WFDC8: variants seen among roughly 807,000 people sequenced by gnomAD.
The protein encoded by WFDC8 is WAP four-disulfide core domain protein 8.
WFDC8 carries 24 observed loss-of-function variants against 27.0 expected under a neutral mutation model. The observed-to-expected ratio is 0.89, with a 90% CI of 0.64 to 1.25. The LOEUF (loss-of-function observed/expected upper bound fraction) is 1.25, where lower values mean the gene tolerates loss of function less well. Ranked by LOEUF, WFDC8 falls within the 50% of genes most tolerant of loss-of-function variation. WFDC8 has a pLI of 0.00. For synonymous variants in WFDC8, 106 were observed against 99.7 expected, an observed-to-expected ratio of 1.06 and a Z score of -0.38; for missense variants, 287 against 295.9, an observed-to-expected ratio of 0.97 and a Z score of 0.22.
In WFDC8 at chr20:45,568,248, G is replaced by T. The variant is rs555024020; in HGVS notation, c.27-6029C>A. 1.2e-3 allele frequency: 284 copies of T among 239,800 alleles called. 1 individual carries two copies. Among genetic ancestry groups the T allele is most frequent in the Non-Finnish European group, 1.8e-3 (208 of 116,396 alleles). The allele number at this position is 239,800 out of a possible 1,614,324, so 14.9% of individuals were successfully genotyped here. ...TCATGGATGGCTCAAGGGTATCTTTGTGGTGTGGAATAGTGATGTTTCATA... is the reference window on the plus strand; with the variant it reads ...TCATGGATGGCTCAAGGGTATCTTTTTGGTGTGGAATAGTGATGTTTCATA... On this transcript the variant is annotated intron_variant, in intron 1 of 5. Coordinates refer to ENST00000289953, the MANE Select transcript of WFDC8 (RefSeq NM_130896.3).
chr20:45,574,640 C>CA (rs1288678126), intron 1 of WFDC8, among the ~76,000 whole-genome samples: 2 of 151,806 alleles, frequency 1.3e-5, no homozygotes, highest in Admixed American at 6.6e-5. Context: ...ACTAAAAATA[C>CA]AAAAAAAATT....
At chr20:45,554,763 T>C (rs1016762100) in intron 4 of WFDC8, among the ~76,000 whole-genome samples, 4 of 152,306 alleles carry the variant, frequency 2.6e-5, no homozygotes, top group Non-Finnish European at 5.9e-5. Flanking sequence ...AGGGTTGCCT[T>C]GGCCGTTCAG....
chr20:45,572,877 G>C (rs1980917674), intron 1 of WFDC8, among the ~76,000 whole-genome samples: 4 of 152,242 alleles, frequency 2.6e-5, no homozygotes, highest in African/African-American at 4.8e-5. Context: ...AAAGTGTTGG[G>C]ATTACAGGCG....
chr20:45,562,960 C>T (rs1361656471), intron 1 of WFDC8, among the ~76,000 whole-genome samples: 3 of 152,116 alleles, frequency 2.0e-5, no homozygotes, highest in Admixed American at 2.0e-4. Flanking sequence ...AAAGAGGAAG[C>T]AAGAGACAGA....
intron 1 of WFDC8, among the ~76,000 whole-genome samples, chr20:45,567,837 C>T (rs921794139): frequency 6.6e-6 from 1 of 152,238 alleles, no homozygotes; most frequent in Admixed American, 6.5e-5. Flanking sequence ...TACCTTTTTT[C>T]TTGTTAGAGA....
At chr20:45,567,713 C>T (rs959517879) in intron 1 of WFDC8, among the ~76,000 whole-genome samples, 1 of 152,204 alleles carries the variant, frequency 6.6e-6, no homozygotes, top group Non-Finnish European at 1.5e-5. Context: ...AAGGCAATTT[C>T]AAAAACGTAA....
rs200477334 is a variant in WFDC8, at chr20:45,555,813, C to A, written c.333G>T (p.Trp111Cys). 208 of 1,613,976 alleles carry A rather than the reference C, an allele frequency of 1.3e-4. No homozygotes were observed. The highest frequency in any genetic ancestry group is 5.2e-4 in the Admixed American group (31 of 60,002). ...HGNCNHEAQR[W>C]HFDFKNYRCT... The stretch of plus-strand genomic sequence containing the variant: ...AGCGGTAATTTTTAAAGTCAAAATG[C>A]CAGCGCTGTGCCTCATGATTACAGT... The change falls in exon 4 of 6, where the codon TGG becomes TGT. Residue 111 changes from tryptophan to cysteine, a missense_variant. By Grantham distance (215) the Trp-to-Cys change is radical. Transcript: ENST00000289953.
At chr20:45,555,349 A>G (rs1020137373) in intron 4 of WFDC8, among the ~76,000 whole-genome samples, 1 of 152,124 alleles carries the variant, frequency 6.6e-6, no homozygotes, top group African/African-American at 2.4e-5. Context: ...TTCTTAAGCA[A>G]ATCCTCAGTA....
rs567278564 is a variant in WFDC8, at chr20:45,569,029, A to G, written c.27-6810T>C. 7.5e-4 allele frequency among the ~76,000 whole-genome samples: 115 copies of G among 152,328 alleles called. 1 individual carries two copies. The highest frequency in any genetic ancestry group is 2.6e-3 in the African/African-American group (109 of 41,580). ...CTACAGGATCTATCAGCTACTTAGC[A>G]TCATCTCTTTATAGTCACATCAGCC... On this transcript the variant is annotated intron_variant, in intron 1 of 5. Coordinates refer to ENST00000289953, the MANE Select transcript of WFDC8 (RefSeq NM_130896.3).
In WFDC8 at chr20:45,555,724, C is replaced by A. The variant is rs1319321481; in HGVS notation, c.422G>T (p.Cys141Phe). The A allele has an allele frequency of 6.2e-7, 1 of 1,612,656 alleles. No homozygotes were observed. The highest frequency in any genetic ancestry group is 8.5e-7 in the Non-Finnish European group (1 of 1,180,006). Residue 141 changes from cysteine (C) to phenylalanine (F), a missense_variant, in exon 4 of 6, where the codon TGC (cysteine) becomes TTC (phenylalanine). Cys to Phe is a radical substitution (Grantham distance 205). Transcript: ENST00000289953. ...ACCAATTAACATGCAGGCCGTTCTG[C>A]AGGCATCCTCATTTAAGAAGTTGTT... ...NANNFLNEDA[C>F]RTACMLIVKD...
intron 1 of WFDC8, among the ~76,000 whole-genome samples, chr20:45,565,941 A>C (rs867881702): frequency 4.6e-5 from 7 of 152,330 alleles, no homozygotes; most frequent in South Asian, 4.1e-4. Context: ...AGTAAGATAA[A>C]AGCATTTTAT....
chr20:45,557,052 C>A (rs1246008313), intron 3 of WFDC8, among the ~76,000 whole-genome samples: 1 of 152,202 alleles, frequency 6.6e-6, no homozygotes, highest in African/African-American at 2.4e-5. Context: ...GCAGTGCCTG[C>A]AGCCAGCATT....
intron 1 of WFDC8, among the ~76,000 whole-genome samples, chr20:45,575,561 TAGA>T (rs1981015155): frequency 6.6e-6 from 1 of 151,314 alleles, no homozygotes; most frequent in Admixed American, 6.6e-5. Context: ...TCATATGGAT[TAGA>T]AGAATTAATA....
intron 5 of WFDC8, 114 bp from the exon 6 acceptor site, chr20:45,552,279 C>A (rs1305988344): frequency 1.6e-6 from 2 of 1,282,456 alleles, no homozygotes; most frequent in East Asian, 2.4e-5. Context: ...AGCTTCTTAC[C>A]TTTCCCCCTA....
intron 4 of WFDC8, 22 bp from the exon 5 acceptor site, chr20:45,553,298 GCTT>G: frequency 6.2e-7 from 1 of 1,605,422 alleles, no homozygotes; most frequent in Non-Finnish European, 8.5e-7. Flanking sequence ...GCAGATGTGA[GCTT>G]CTTAAAACCC....
At position 45,555,742 on chromosome 20, in the gene WFDC8, A is replaced by G. The variant is rs768220053; in HGVS notation, c.404T>C (p.Phe135Ser). The G allele has an allele frequency of 1.2e-6, 2 of 1,612,950 alleles. No individual in the cohort carries two copies. Among genetic ancestry groups the G allele is most frequent in the Non-Finnish European group, 1.7e-6 (2 of 1,180,014 alleles). ...CGTTCTGCAGGCATCCTCATTTAAGAAGTTGTTGGCATTCCCTTCGCAGCC... is the reference window on the plus strand; with the variant it reads ...CGTTCTGCAGGCATCCTCATTTAAGGAGTTGTTGGCATTCCCTTCGCAGCC... ...YRGCEGNANN[F>S]LNEDACRTAC... Residue 135 changes from phenylalanine (F) to serine (S), a missense_variant, in exon 4 of 6, where the codon TTC becomes TCC. Phe to Ser is a radical substitution (Grantham distance 155). Transcript: ENST00000289953.
chr20:45,564,960 G>A (rs1980609451), intron 1 of WFDC8, among the ~76,000 whole-genome samples: 1 of 84,368 alleles, frequency 1.2e-5, no homozygotes, highest in South Asian at 3.2e-4. Context: ...AAGGAAGGAA[G>A]GAAGGAAAGA....
At chr20:45,572,065 T>A (rs537768667) in intron 1 of WFDC8, among the ~76,000 whole-genome samples, 1 of 152,294 alleles carries the variant, frequency 6.6e-6, no homozygotes, top group South Asian at 2.1e-4. Flanking sequence ...CTATTCTTCA[T>A]AATGGCTGTA....
intron 4 of WFDC8, 58 bp downstream of exon 4, chr20:45,555,643 A>G: frequency 6.3e-7 from 1 of 1,588,528 alleles, no homozygotes; most frequent in African/African-American, 1.3e-5. Context: ...CTATAACCTC[A>G]TTGGTATACT....
Sources: gnomAD v4.1 joint callset for allele counts (sites outside exome capture counted in the v4.1 genomes callset) on GRCh38, gnomAD v4.1.1 for gene constraint, MANE v1.5 for transcripts, NCBI Gene and HGNC (gene_info 2026-07-23, HGNC 2026-07-21) for gene names.